Variants in TMTC2 observed in about 807,000 individuals in gnomAD.
TMTC2 encodes transmembrane O-mannosyltransferase targeting cadherins 2, also known as protein O-mannosyl-transferase TMTC2.
Under a neutral mutation model 82.4 loss-of-function variants are expected in TMTC2, and 43 were observed. That is an observed-to-expected ratio of 0.52 (90% CI 0.41 to 0.67). The LOEUF (loss-of-function observed/expected upper bound fraction) is 0.67. Among genes scored for constraint, TMTC2 ranks in the 30% least tolerant of loss-of-function variants. The probability of loss-of-function intolerance (pLI) is 0.00; values close to 1 mark genes in which losing one functional copy is unlikely to be tolerated. For missense variants in TMTC2, 919 were observed against 1,012.4 expected (o/e 0.91, Z 1.25); for synonymous variants, 408 against 381.9 (o/e 1.07, Z -0.80).
At chr12:83,047,340 ATTC>A (rs1882181082) in intron 9 of TMTC2, among the ~76,000 whole-genome samples, 1 of 152,226 alleles carries the variant, frequency 6.6e-6, no homozygotes, top group African/African-American at 2.4e-5. Flanking sequence ...GAAACCTACT[ATTC>A]TTTGTTTCCC....
At chr12:82,884,980 A>T (rs1044227400) in intron 2 of TMTC2, among the ~76,000 whole-genome samples, 1 of 151,192 alleles carries the variant, frequency 6.6e-6, no homozygotes, top group Non-Finnish European at 1.5e-5. Context: ...AGCAGCCTCA[A>T]CCTCCCAGAC....
chr12:82,830,947 C>G (rs1368214557), intron 1 of TMTC2, among the ~76,000 whole-genome samples: 1 of 151,992 alleles, frequency 6.6e-6, no homozygotes, highest in African/African-American at 2.4e-5. Flanking sequence ...TAGTCCATAT[C>G]AACTTCAAGA....
intron 2 of TMTC2, among the ~76,000 whole-genome samples, chr12:82,893,511 T>TA (rs1424402412): frequency 2.6e-5 from 4 of 152,226 alleles, no homozygotes; most frequent in Non-Finnish European, 1.5e-5. Flanking sequence ...AGGATGTTTT[T>TA]AAAACAAGTT....
chr12:82,909,822 C>G (rs148961880), intron 3 of TMTC2, among the ~76,000 whole-genome samples: 1 of 152,138 alleles, frequency 6.6e-6, no homozygotes, highest in East Asian at 1.9e-4. Flanking sequence ...AAATCTGACA[C>G]CTATTAAGGA....
At chr12:83,076,914 A>G (rs1883299880) in intron 11 of TMTC2, among the ~76,000 whole-genome samples, 1 of 152,182 alleles carries the variant, frequency 6.6e-6, no homozygotes. Context: ...AAAGACAAAT[A>G]AACATTAGGC....
chr12:83,026,162 T>C (rs1001313402), intron 8 of TMTC2, among the ~76,000 whole-genome samples: 1 of 152,100 alleles, frequency 6.6e-6, no homozygotes, highest in African/African-American at 2.4e-5. Context: ...CAGGAGCCTA[T>C]AAAGATTTGC....
intron 1 of TMTC2, among the ~76,000 whole-genome samples, chr12:82,765,778 A>G (rs560534339): frequency 6.6e-5 from 10 of 152,346 alleles, no homozygotes; most frequent in African/African-American, 2.4e-4. Flanking sequence ...ACCCAGTCAT[A>G]TCACTGGGGC....
chr12:82,910,315 G>A (rs754632726), intron 3 of TMTC2, among the ~76,000 whole-genome samples: 7 of 152,126 alleles, frequency 4.6e-5, no homozygotes, highest in South Asian at 2.1e-4. Flanking sequence ...CCCTCACAGC[G>A]CGTGTGAAGA....
chr12:83,021,198 CATTGCAAGGTATCCG>C (rs1880906206), intron 8 of TMTC2, among the ~76,000 whole-genome samples: 1 of 152,130 alleles, frequency 6.6e-6, no homozygotes, highest in South Asian at 2.1e-4. Flanking sequence ...GCTTTCTTCT[CATTGCAAGGTATCCG>C]ATTTCCAGTA....
chr12:83,076,150 T>G, intron 11 of TMTC2, among the ~76,000 whole-genome samples: 1 of 152,342 alleles, frequency 6.6e-6, no homozygotes, highest in Non-Finnish European at 1.5e-5. Context: ...TGGGGTATTG[T>G]TATTCATCAC....
chr12:82,878,058 C>G (rs1872667634), intron 2 of TMTC2, among the ~76,000 whole-genome samples: 1 of 152,130 alleles, frequency 6.6e-6, no homozygotes, highest in African/African-American at 2.4e-5. Flanking sequence ...TAAAATTGCC[C>G]CCAGCCTGTT....
rs1293412427 is a variant in TMTC2 at position 82,692,299 on chromosome 12, A to C, written c.83+4630A>C. Among the ~76,000 whole-genome samples the C allele has an allele frequency of 2.0e-5, 3 of 152,194 alleles. No homozygotes were observed. The East Asian group carries it at 5.8e-4, about 29-fold the overall frequency. On this transcript the variant is annotated intron_variant, in intron 1 of 11. Coordinates refer to ENST00000321196, the MANE Select transcript of TMTC2 (RefSeq NM_152588.3). ...TTTTGTCATCTGCACTTAGTTCTTC[A>C]GTGCTAATGTGCCCCTGTTGTTAAT...
At chr12:82,775,206 T>C (rs186320848) in intron 1 of TMTC2, among the ~76,000 whole-genome samples, 8 of 152,166 alleles carry the variant, frequency 5.3e-5, no homozygotes, top group Non-Finnish European at 8.8e-5. Flanking sequence ...ATCCCTGCAC[T>C]TGGAGACCGA....
At chr12:82,767,753 G>A (rs969295506) in intron 1 of TMTC2, among the ~76,000 whole-genome samples, 2 of 151,966 alleles carry the variant, frequency 1.3e-5, no homozygotes, top group African/African-American at 4.8e-5. Context: ...TGTTTTCTAC[G>A]ATTGGTTCTA....
intron 4 of TMTC2, among the ~76,000 whole-genome samples, chr12:82,940,847 A>G (rs955035038): frequency 6.6e-6 from 1 of 152,120 alleles, no homozygotes; most frequent in Non-Finnish European, 1.5e-5. Flanking sequence ...AGGTCTCACA[A>G]AGCCACTAAT....
At chr12:82,694,202 T>G (rs1872695447) in intron 1 of TMTC2, among the ~76,000 whole-genome samples, 1 of 151,592 alleles carries the variant, frequency 6.6e-6, no homozygotes, top group African/African-American at 2.4e-5. Flanking sequence ...GAGTAGTTTA[T>G]TTTATTTAAG....
At chr12:83,019,104 T>C (rs560678572) in intron 8 of TMTC2, among the ~76,000 whole-genome samples, 2 of 152,288 alleles carry the variant, frequency 1.3e-5, no homozygotes, top group East Asian at 3.9e-4. Flanking sequence ...GTTGGCAAGT[T>C]ATCTAAGACA....
intron 8 of TMTC2, among the ~76,000 whole-genome samples, chr12:82,996,096 A>C (rs1021822470): frequency 2.0e-5 from 3 of 152,242 alleles, no homozygotes; most frequent in Non-Finnish European, 4.4e-5. Context: ...CTGAAAGGAA[A>C]ATGCATTTTC....
intron 1 of TMTC2, among the ~76,000 whole-genome samples, chr12:82,714,584 C>A (rs1002491964): frequency 6.6e-6 from 1 of 152,086 alleles, no homozygotes; most frequent in Non-Finnish European, 1.5e-5. Flanking sequence ...CTTCCTGGAA[C>A]CTGCTGTTCC....
Sources: allele counts gnomAD v4.1 joint callset (sites outside exome capture counted in the v4.1 genomes callset), GRCh38; gene constraint gnomAD v4.1.1; transcripts MANE v1.5; gene names NCBI Gene and HGNC (gene_info 2026-07-23, HGNC 2026-07-21).